Variants in INO80C observed in about 807,000 individuals in gnomAD.
INO80C encodes IES6 homolog.
Under a neutral mutation model 17.7 loss-of-function variants are expected in INO80C, and 17 were observed. The ratio of observed to expected loss-of-function variants is 0.96; its 90% confidence interval spans 0.66 to 1.44. The LOEUF is 1.44. INO80C is among the 40% of genes most tolerant of loss of function. The pLI is 0.00. For missense variants in INO80C, 244 were observed against 245.0 expected, an observed-to-expected ratio of 1.00 and a Z score of 0.03; for synonymous variants, 96 against 95.8, an observed-to-expected ratio of 1.00 and a Z score of -0.01.
chr18:35,478,395 T>C (rs2045763709), intron 3 of INO80C, 46 bp from the exon 4 acceptor site: 1 of 1,345,966 alleles, frequency 7.4e-7, no homozygotes, highest in Non-Finnish European at 1.0e-6. Context: ...ACTGAAAACA[T>C]TCAAATCCCT....
At chr18:35,476,490 A>G (rs990271422) in intron 4 of INO80C, among the ~76,000 whole-genome samples, 3 of 152,212 alleles carry the variant, frequency 2.0e-5, no homozygotes, top group Admixed American at 6.5e-5. Flanking sequence ...TTTCTATACT[A>G]TTGTCTCCGT....
chr18:35,481,882 G>A (rs576220053), intron 1 of INO80C, among the ~76,000 whole-genome samples: 10 of 152,102 alleles, frequency 6.6e-5, no homozygotes, highest in Admixed American at 2.0e-4. Context: ...ACTCTACTCC[G>A]TCTCAAAAAC....
At position 35,497,734 on chromosome 18, in the gene INO80C, A is replaced by G. The variant is rs201424873; in HGVS notation, c.141T>C (p.Ala47=). 8.1e-6 allele frequency: 13 copies of G among 1,612,396 alleles called. No individual in the cohort carries two copies. The highest frequency in any genetic ancestry group is 2.7e-5 in the African/African-American group (2 of 74,916). Residue 47 remains alanine, a synonymous_variant, in exon 1 of 5, where the codon GCT becomes GCC. Transcript: ENST00000334598. ...YGASKKKKAS[A]SSFAQGISME... ...GACTGCGTACCTGCGCAAAGCTGGA[A>G]GCGGACGCTTTTTTCTTCTTACTGG... is the stretch of plus-strand genomic sequence containing the variant.
intron 3 of INO80C, 62 bp downstream of exon 3, chr18:35,479,238 T>C (rs1598741023): frequency 9.9e-7 from 1 of 1,012,560 alleles, no homozygotes; most frequent in Non-Finnish European, 1.5e-6. Flanking sequence ...ATAATGTAGG[T>C]TGTTATAAGA....
chr18:35,489,199 C>T lies in INO80C; in HGVS notation c.156+8520G>A, dbSNP rs188456422. The T allele has an allele frequency of 6.9e-3, 1,319 of 190,000 alleles. 9 individuals are homozygous for T. Among genetic ancestry groups the T allele is most frequent in the Non-Finnish European group, 0.011 (957 of 90,882 alleles). 11.8% of individuals were successfully genotyped at this position (190,000 alleles called of 1,614,324 possible). A position where few individuals can be genotyped will look rare whatever the true frequency, so the allele number is the denominator to read the frequency against. ...AGTTCCAAAGTTGCTTCCACATTTTCGGGTATCTTTACATACAGCAGCAAC... is the reference window on the plus strand; with the variant it reads ...AGTTCCAAAGTTGCTTCCACATTTTTGGGTATCTTTACATACAGCAGCAAC... On this transcript the variant is annotated intron_variant, in intron 1 of 4. Coordinates refer to ENST00000334598, the MANE Select transcript of INO80C (RefSeq NM_194281.4).
intron 4 of INO80C, among the ~76,000 whole-genome samples, chr18:35,472,506 G>A (rs1043857779): frequency 3.9e-5 from 6 of 152,076 alleles, no homozygotes; most frequent in Non-Finnish European, 7.4e-5. Context: ...TTAGCCCTTT[G>A]TCAGATGAGT....
intron 1 of INO80C, among the ~76,000 whole-genome samples, chr18:35,494,864 C>T (rs2045965650): frequency 6.6e-6 from 1 of 152,210 alleles, no homozygotes; most frequent in African/African-American, 2.4e-5. Context: ...GTATATACGT[C>T]ATTCTCTCCT....
intron 1 of INO80C, chr18:35,483,421 A>T (rs2045837629): frequency 6.6e-6 from 1 of 152,194 alleles, no homozygotes; most frequent in South Asian, 2.1e-4. Context: ...TAGTTTAGAC[A>T]ACACAACAGC....
At chr18:35,490,554 A>G (rs766975495) in intron 1 of INO80C, among the ~76,000 whole-genome samples, 1 of 152,060 alleles carries the variant, frequency 6.6e-6, no homozygotes, top group Non-Finnish European at 1.5e-5. Context: ...TGTTGCCATC[A>G]GGGAGGAAAA....
intron 4 of INO80C, among the ~76,000 whole-genome samples, chr18:35,472,651 T>C (rs73414869): frequency 0.21 from 31,828 of 152,166 alleles, 4,291 homozygotes; most frequent in Admixed American, 0.34. Flanking sequence ...TTCTTTTTTT[T>C]AATCTCAACA....
intron 1 of INO80C, among the ~76,000 whole-genome samples, chr18:35,481,648 C>G (rs2045809878): frequency 6.6e-6 from 1 of 152,200 alleles, no homozygotes; most frequent in East Asian, 1.9e-4. Flanking sequence ...CTTTGGGAGG[C>G]TGAGGTGGTT....
Position 35,468,340 on chromosome 18 carries a change from A to AAAG in INO80C, c.*268_*270dup. On this transcript the variant is annotated 3_prime_UTR_variant, in exon 5 of 5. Transcript: ENST00000334598. ...AAATTCAGGGACTTGGGATAAATGAAAAGTATGGTTTTATTGTATCTTCTT... is the reference window on the plus strand; with the variant it reads ...AAATTCAGGGACTTGGGATAAATGAAAAGAAGTATGGTTTTATTGTATCTTCTT... The AAAG allele has an allele frequency of 7.9e-7, 1 of 1,269,458 alleles. No homozygotes were observed. Among genetic ancestry groups the AAAG allele is most frequent in the Non-Finnish European group, 1.0e-6 (1 of 1,000,806 alleles). 78.6% of individuals were successfully genotyped at this position (1,269,458 alleles called of 1,614,324 possible). A position where few individuals can be genotyped will look rare whatever the true frequency, so the allele number is the denominator to read the frequency against.
intron 4 of INO80C, among the ~76,000 whole-genome samples, chr18:35,473,306 A>G (rs2045692625): frequency 6.6e-6 from 1 of 152,130 alleles, no homozygotes; most frequent in Non-Finnish European, 1.5e-5. Context: ...AACAGACAAG[A>G]GGTAGCACAA....
intron 4 of INO80C, among the ~76,000 whole-genome samples, chr18:35,469,227 C>T (rs2045639986): frequency 6.6e-6 from 1 of 152,204 alleles, no homozygotes; most frequent in Admixed American, 6.5e-5. Flanking sequence ...CCCTGAGCAA[C>T]TCTGTAGTGC....
At chr18:35,482,754 T>C (rs892869566) in intron 1 of INO80C, among the ~76,000 whole-genome samples, 1 of 150,518 alleles carries the variant, frequency 6.6e-6, no homozygotes, top group Non-Finnish European at 1.5e-5. Flanking sequence ...CCTCCCACCC[T>C]CCCTTCCGCA....
intron 1 of INO80C, among the ~76,000 whole-genome samples, chr18:35,488,921 C>T (rs531147589): frequency 6.6e-6 from 1 of 152,142 alleles, no homozygotes; most frequent in Non-Finnish European, 1.5e-5. Flanking sequence ...TTCAAAGTTC[C>T]ACATACCTCT....
chr18:35,472,826 C>G (rs1305693840), intron 4 of INO80C, among the ~76,000 whole-genome samples: 2 of 152,186 alleles, frequency 1.3e-5, no homozygotes, highest in Admixed American at 1.3e-4. Flanking sequence ...ACTAGTGAAG[C>G]TGAATATCTA....
chr18:35,497,825 A>C lies in INO80C; in HGVS notation c.50T>G (p.Val17Gly). ...IVATTSTPGI[V>G]RNSKKRPASP... The stretch of plus-strand genomic sequence containing the variant: ...GGCCGGCCTCTTCTTGCTGTTCCGG[A>C]CTATTCCGGGAGTGGAAGTGGTGGC... The change falls in exon 1 of 5, where the codon GTC (valine) becomes GGC (glycine). Residue 17 changes from valine to glycine, a missense_variant. Val to Gly is a moderately radical substitution (Grantham distance 109). Coordinates refer to ENST00000334598, the MANE Select transcript of INO80C (RefSeq NM_194281.4). 1 of 1,609,836 alleles carries C rather than the reference A, an allele frequency of 6.2e-7. No homozygotes were observed. The highest frequency in any genetic ancestry group is 8.5e-7 in the Non-Finnish European group (1 of 1,177,798).
intron 1 of INO80C, among the ~76,000 whole-genome samples, chr18:35,491,672 G>A (rs1182746984): frequency 6.6e-6 from 1 of 152,136 alleles, no homozygotes; most frequent in African/African-American, 2.4e-5. Context: ...ACTAACAACA[G>A]GATGAGAGGG....
Sources: gnomAD v4.1 joint callset for allele counts (sites outside exome capture counted in the v4.1 genomes callset) on GRCh38, gnomAD v4.1.1 for gene constraint, MANE v1.5 for transcripts, NCBI Gene and HGNC (gene_info 2026-07-23, HGNC 2026-07-21) for gene names.